The following ST6GALNAC6 variants were observed in gnomAD, a reference collection of about 807,000 sequenced individuals.
ST6GALNAC6 encodes the protein ST6 N-acetylgalactosaminide alpha-2,6-sialyltransferase 6.
In ST6GALNAC6, 19 loss-of-function variants were observed where a neutral mutation model predicts 34.3. The ratio of observed to expected loss-of-function variants is 0.55; its 90% CI spans 0.39 to 0.81. The LOEUF (loss-of-function observed/expected upper bound fraction) is 0.81. Among genes scored for constraint, ST6GALNAC6 ranks in the 40% least tolerant of loss-of-function variants. ST6GALNAC6 has a pLI of 0.00. For missense variants in ST6GALNAC6, 377 were observed against 467.7 expected, an observed-to-expected ratio of 0.81 and a Z score of 1.79; for synonymous variants, 185 against 182.1, an observed-to-expected ratio of 1.02 and a Z score of -0.13.
intron 6 of ST6GALNAC6, among the ~76,000 whole-genome samples, 190 bp from the exon 7 acceptor site, chr9:127,886,978 T>TA (rs1554817669): frequency 3.3e-5 from 5 of 151,120 alleles, no homozygotes; most frequent in African/African-American, 9.7e-5. Flanking sequence ...TTTTTTTTTT[T>TA]AAATGCAGTG....
chr9:127,897,317 C>A lies in ST6GALNAC6; in HGVS notation c.26+639G>T, dbSNP rs1251960528. On this transcript the variant is annotated intron_variant, in intron 2 of 6. Coordinates refer to ENST00000373146, the MANE Select transcript of ST6GALNAC6 (RefSeq NM_013443.5). Reference sequence around the variant, plus strand: ...GGGCTTAGGGGGCCCTCCTCAGCTCCGTCCCCTGCTCCAGGGGCCTCTCAG... The same window carrying A: ...GGGCTTAGGGGGCCCTCCTCAGCTCAGTCCCCTGCTCCAGGGGCCTCTCAG... 7.1e-6 allele frequency: 7 copies of A among 985,760 alleles called. No individual in the cohort carries two copies. The East Asian group carries it at 6.8e-4, about 96-fold the overall frequency. The allele number at this position is 985,760 out of a possible 1,614,324, so 61.1% of individuals were successfully genotyped here. A position where few individuals can be genotyped will look rare whatever the true frequency, so the allele number is the denominator to read the frequency against.
In ST6GALNAC6 at chr9:127,897,918, T is replaced by C. The variant is rs369667576; in HGVS notation, c.26+38A>G. The C allele has an allele frequency of 1.2e-5, 19 of 1,613,490 alleles. No individual in the cohort carries two copies. The African/African-American group carries it at 1.7e-4, about 15-fold the overall frequency. On this transcript the variant is annotated intron_variant, in intron 2 of 6. Transcript: ENST00000373146. The stretch of plus-strand genomic sequence containing the variant: ...TGAGAAGGCCATGGTCAGTACAGCA[T>C]GTCAGCTGCCAGTGCGAATCCCGGT...
At chr9:127,902,746 G>C (rs762106682), upstream of ST6GALNAC6, among the ~76,000 whole-genome samples, 1 of 150,364 alleles carries the variant, frequency 6.7e-6, no homozygotes, top group Admixed American at 6.6e-5. Flanking sequence ...GTGCTACCAC[G>C]CTCGGCTAAT....
At chr9:127,905,632 C>T (rs1236785648), upstream of ST6GALNAC6, among the ~76,000 whole-genome samples, 1 of 152,172 alleles carries the variant, frequency 6.6e-6, no homozygotes, top group African/African-American at 2.4e-5. Flanking sequence ...TGCCATCTGT[C>T]ACCACCAAGG....
chr9:127,886,491 G>A lies in ST6GALNAC6; in HGVS notation c.*108C>T. On this transcript the variant is annotated 3_prime_UTR_variant, in exon 7 of 7. Transcript: ENST00000373146. ...TCCTCCTCAAGGCCCTGATTGGCTGGGAGACACTCCAGCAAGCCTTGATTG... is the reference window on the plus strand; with the variant it reads ...TCCTCCTCAAGGCCCTGATTGGCTGAGAGACACTCCAGCAAGCCTTGATTG... 6.6e-7 allele frequency: 1 copy of A among 1,508,388 alleles called. No individual in the cohort carries two copies. Among genetic ancestry groups the A allele is most frequent in the Non-Finnish European group, 8.9e-7 (1 of 1,128,150 alleles). 93.4% of individuals were successfully genotyped at this position (1,508,388 alleles called of 1,614,324 possible).
At chr9:127,891,739 G>A (rs1280628799) in intron 4 of ST6GALNAC6, among the ~76,000 whole-genome samples, 7 of 136,106 alleles carry the variant, frequency 5.1e-5, no homozygotes, top group South Asian at 2.6e-4. Flanking sequence ...GGGAGGGGGA[G>A]GGGGAGGGGA....
In ST6GALNAC6 at chr9:127,886,658, C is replaced by T. The variant is rs1201410675; in HGVS notation, c.943G>A (p.Val315Ile). 3.1e-6 allele frequency: 5 copies of T among 1,614,106 alleles called. 1 individual carries two copies. Among genetic ancestry groups the T allele is most frequent in the South Asian group, 2.2e-5 (2 of 91,074 alleles). The change falls in exon 7 of 7, where the codon GTC (valine) becomes ATC (isoleucine). Residue 315 changes from valine (V) to isoleucine (I), a missense_variant. Val to Ile is a conservative substitution (Grantham distance 29). Transcript: ENST00000373146. ...TACAGCTGGGCCCACGATGAGAAGA[C>T]CCTTTTCTCGGTGATGAAGCGGTGG... ...NHHRFITEKR[V>I]FSSWAQLYGI...
chr9:127,900,018 A>G (rs1830694383), upstream of ST6GALNAC6, among the ~76,000 whole-genome samples: 2 of 152,234 alleles, frequency 1.3e-5, no homozygotes, highest in Non-Finnish European at 2.9e-5. Flanking sequence ...CTCAGATTCA[A>G]GTTAACCTCT....
rs374270835 is a variant in ST6GALNAC6 at position 127,896,277 on chromosome 9, G to C, written c.82C>G (p.Leu28Val). Residue 28 changes from leucine to valine, a missense_variant, in exon 3 of 7, where the codon CTC becomes GTC. By Grantham distance (32) the Leu-to-Val change is conservative. Transcript: ENST00000373146. ...CTCATTTCTCTCCGGCGTCTGCTGA[G>C]GGGTAGGTGTCGGCGTCCTGCAGGT... ...GPPAGRRHLP[L>V]SRRRREMSSN... 25 of 1,614,162 alleles carry C rather than the reference G, an allele frequency of 1.5e-5. No individual in the cohort carries two copies. The African/African-American group carries it at 1.9e-4, about 12-fold the overall frequency.
At chr9:127,889,812 G>A (rs978462550) in intron 5 of ST6GALNAC6, among the ~76,000 whole-genome samples, 2 of 152,170 alleles carry the variant, frequency 1.3e-5, no homozygotes, top group African/African-American at 4.8e-5. Context: ...AGAAGTTAAT[G>A]CCATTTATAA....
rs767765132 is a variant in ST6GALNAC6, at chr9:127,894,472, C to T, written c.297+40G>A. ...AGAACAGGTGGAGGGAGTGGTGATG[C>T]TGGGCAGTAGGGAGGAGCTCCCCAA... On this transcript the variant is annotated intron_variant, in intron 4 of 6. Coordinates refer to ENST00000373146, the MANE Select transcript of ST6GALNAC6 (RefSeq NM_013443.5). 5 of 1,605,988 alleles carry T rather than the reference C, an allele frequency of 3.1e-6. No individual in the cohort carries two copies. The South Asian group carries it at 5.5e-5, about 18-fold the overall frequency.
chr9:127,894,972 T>C (rs1010509637), intron 3 of ST6GALNAC6, among the ~76,000 whole-genome samples: 6 of 152,270 alleles, frequency 3.9e-5, no homozygotes, highest in Admixed American at 2.6e-4. Flanking sequence ...GCCTGGAACA[T>C]GGAAGGTTCT....
upstream of ST6GALNAC6, chr9:127,906,120 T>A: frequency 1.3e-6 from 1 of 744,360 alleles, no homozygotes; most frequent in Non-Finnish European, 1.6e-6. Flanking sequence ...GTGCCAGGTC[T>A]CAGCCCCCTC....
chr9:127,899,047 C>G (rs1268213294), intron 1 of ST6GALNAC6, among the ~76,000 whole-genome samples: 1 of 152,208 alleles, frequency 6.6e-6, no homozygotes, highest in Admixed American at 6.5e-5. Flanking sequence ...GGGAGTCCTC[C>G]CGCAGATCGG....
Position 127,887,510 on chromosome 9 carries a change from A to G in ST6GALNAC6, c.786T>C (p.Tyr262=). The change falls in exon 6 of 7, where the codon TAT becomes TAC. Residue 262 remains tyrosine (Y), a synonymous_variant. Coordinates refer to ENST00000373146, the MANE Select transcript of ST6GALNAC6 (RefSeq NM_013443.5). ...TGCAGTAGTTGGGGGGGACCATGCC[A>G]TAGACATGCACGTGGTCACACAACT... ...AVELCDHVHV[Y]GMVPPNYCSQ... 1 of 1,612,722 alleles carries G rather than the reference A, an allele frequency of 6.2e-7. No homozygotes were observed. Among genetic ancestry groups the G allele is most frequent in the Admixed American group, 1.7e-5 (1 of 59,854 alleles).
At position 127,887,533 on chromosome 9, in the gene ST6GALNAC6, A is replaced by T; in HGVS notation, c.763T>A (p.Leu255Met). 1 of 1,612,790 alleles carries T rather than the reference A, an allele frequency of 6.2e-7. No homozygotes were observed. Among genetic ancestry groups the T allele is most frequent in the Non-Finnish European group, 8.5e-7 (1 of 1,179,490 alleles). Reference sequence around the variant, plus strand: ...CCATAGACATGCACGTGGTCACACAACTCCACCGCGATCACCATGGTAAAC... The same window carrying T: ...CCATAGACATGCACGTGGTCACACATCTCCACCGCGATCACCATGGTAAAC... ...GWFTMVIAVE[L>M]CDHVHVYGMV... is the part of the protein sequence containing the mutation. Residue 255 changes from leucine (L) to methionine (M), a missense_variant, in exon 6 of 7, where the codon TTG (leucine) becomes ATG (methionine). By Grantham distance (15) the Leu-to-Met change is conservative. Coordinates refer to ENST00000373146, the MANE Select transcript of ST6GALNAC6 (RefSeq NM_013443.5).
At chr9:127,900,560 CAAAAAAAA>C (rs71380101), upstream of ST6GALNAC6, among the ~76,000 whole-genome samples, 8 of 44,186 alleles carry the variant, frequency 1.8e-4, no homozygotes, top group African/African-American at 2.3e-4. Context: ...AACTCCGTCT[CAAAAAAAA>C]AAAAAAAAAA....
chr9:127,899,458 TCCGCCCCCGCCC>T, intron 1 of ST6GALNAC6, 33 bp downstream of exon 1: 2 of 559,860 alleles, frequency 3.6e-6, no homozygotes, highest in South Asian at 1.5e-4. Context: ...AGCCCCCGCC[TCCGCCCCCGCCC>T]CCGCGGCCTG....
chr9:127,899,571 C>T lies in ST6GALNAC6; in HGVS notation c.-98G>A. The T allele has an allele frequency of 2.0e-6, 2 of 981,156 alleles. No individual in the cohort carries two copies. The highest frequency in any genetic ancestry group is 6.3e-5 in the Admixed American group (1 of 15,914). The allele number at this position is 981,156 out of a possible 1,614,324, so 60.8% of individuals were successfully genotyped here. On this transcript the variant is annotated 5_prime_UTR_variant, in exon 1 of 7. Transcript: ENST00000373146. ...TCACATGGCGCCGGGAGCCGAGCGC[C>T]GGGGTCCGCGCTCCTCAGGCCGCCC...
Sources: gnomAD v4.1 joint callset for allele counts (sites outside exome capture counted in the v4.1 genomes callset) on GRCh38, gnomAD v4.1.1 for gene constraint, MANE v1.5 for transcripts, NCBI Gene and HGNC (gene_info 2026-07-23, HGNC 2026-07-21) for gene names.